GAS7: variants seen among roughly 807,000 people sequenced by gnomAD.
The protein encoded by GAS7 is growth arrest-specific protein 7.
A neutral mutation model predicts 71.1 loss-of-function variants in GAS7; 28 were observed. The observed-to-expected ratio is 0.39, with a 90% CI of 0.29 to 0.54. GAS7 has a LOEUF of 0.54. GAS7 is among the 20% of genes least tolerant of loss of function. The probability of loss-of-function intolerance (pLI) is 0.62; values close to 1 mark genes in which losing one functional copy is unlikely to be tolerated. For synonymous variants in GAS7, 258 were observed against 245.8 expected (o/e 1.05, Z -0.46); for missense variants, 436 against 627.8 (o/e 0.69, Z 3.27).
chr17:10,012,268 TGG>T (rs1258798072), intron 2 of GAS7, among the ~76,000 whole-genome samples: 4 of 152,258 alleles, frequency 2.6e-5, no homozygotes, highest in African/African-American at 9.6e-5. Context: ...CATGCATGCC[TGG>T]CCTTCCAGTT....
In GAS7 at chr17:9,913,811, G is replaced by T. The variant is rs1380132659; in HGVS notation, c.*3417C>A. 3 of 231,574 alleles carry T rather than the reference G, an allele frequency of 1.3e-5. No individual in the cohort carries two copies. Among genetic ancestry groups the T allele is most frequent in the Non-Finnish European group, 2.6e-5 (3 of 117,110 alleles). The allele number at this position is 231,574 out of a possible 1,614,324, so 14.3% of individuals were successfully genotyped here. A position where few individuals can be genotyped will look rare whatever the true frequency, so the allele number is the denominator to read the frequency against. On this transcript the variant is annotated 3_prime_UTR_variant, in exon 14 of 14. Transcript: ENST00000432992. The stretch of plus-strand genomic sequence containing the variant: ...TGGAGGTTGTCACAGCAACCAACTT[G>T]GAACACCATTTGGCTTAAGGAATTT...
intron 5 of GAS7, among the ~76,000 whole-genome samples, chr17:9,954,452 C>T (rs1256689687): frequency 2.2e-5 from 2 of 89,574 alleles, no homozygotes; most frequent in Admixed American, 2.6e-4. Context: ...GCCATCAGGG[C>T]AGTCTGCAGT....
intron 1 of GAS7, among the ~76,000 whole-genome samples, chr17:10,054,946 A>G (rs2152238618): frequency 6.6e-6 from 1 of 152,352 alleles, no homozygotes; most frequent in East Asian, 1.9e-4. Context: ...GTCTCTGGAA[A>G]GAGGAGCAGC....
rs565877831 is a variant in GAS7 at position 9,916,972 on chromosome 17, C to T, written c.*256G>A. ...GTTCCAGCCTCTGTTTGTTTCAGAGCGGCAAGCACAGCATGGGAGTCAGGG... is the reference window on the plus strand; with the variant it reads ...GTTCCAGCCTCTGTTTGTTTCAGAGTGGCAAGCACAGCATGGGAGTCAGGG... On this transcript the variant is annotated 3_prime_UTR_variant, in exon 14 of 14. Coordinates refer to ENST00000432992, the MANE Select transcript of GAS7 (RefSeq NM_201433.2). 12 of 537,686 alleles carry T rather than the reference C, an allele frequency of 2.2e-5. No homozygotes were observed. The highest frequency in any genetic ancestry group is 9.3e-5 in the Admixed American group (3 of 32,360). The allele number at this position is 537,686 out of a possible 1,614,324, so 33.3% of individuals were successfully genotyped here. A position where few individuals can be genotyped will look rare whatever the true frequency, so the allele number is the denominator to read the frequency against.
rs150614175 is a variant in GAS7 at position 10,036,594 on chromosome 17, G to A, written c.184-16697C>T. The A allele has an allele frequency of 2.2e-4, 336 of 1,493,380 alleles. 1 individual carries two copies. The East Asian group carries it at 5.5e-3, about 24-fold the overall frequency. The allele number at this position is 1,493,380 out of a possible 1,614,324, so 92.5% of individuals were successfully genotyped here. A position where few individuals can be genotyped will look rare whatever the true frequency, so the allele number is the denominator to read the frequency against. ...GAGGCAAGTCGCTAGCCCAGGGCCA[G>A]TGTTCTGGGCACCCCAGCGGAGGTT... is the stretch of plus-strand genomic sequence containing the variant. On this transcript the variant is annotated intron_variant, in intron 1 of 13. Coordinates refer to ENST00000432992, the MANE Select transcript of GAS7 (RefSeq NM_201433.2).
chr17:10,036,444 C>T, intron 1 of GAS7: 1 of 1,612,000 alleles, frequency 6.2e-7, no homozygotes, highest in South Asian at 1.1e-5. Flanking sequence ...CATCAGAGAA[C>T]AGCTAACCTT....
chr17:10,039,314 T>A (rs971518922), intron 1 of GAS7, among the ~76,000 whole-genome samples: 1 of 150,676 alleles, frequency 6.6e-6, no homozygotes, highest in Non-Finnish European at 1.5e-5. Flanking sequence ...ATACACCACC[T>A]CAGGCTCTCC....
intron 1 of GAS7, among the ~76,000 whole-genome samples, chr17:10,042,132 T>C (rs2072880038): frequency 6.6e-6 from 1 of 151,874 alleles, no homozygotes; most frequent in African/African-American, 2.4e-5. Flanking sequence ...CTGTCTCTAT[T>C]AAAAATACGA....
chr17:9,937,022 G>C (rs2068424639), intron 8 of GAS7, among the ~76,000 whole-genome samples: 1 of 152,210 alleles, frequency 6.6e-6, no homozygotes, highest in African/African-American at 2.4e-5. Flanking sequence ...AGTCTTCAAG[G>C]AGATAGGGTT....
At chr17:10,121,159 T>A (rs1162867943) in intron 1 of GAS7, among the ~76,000 whole-genome samples, 1 of 152,198 alleles carries the variant, frequency 6.6e-6, no homozygotes, top group Non-Finnish European at 1.5e-5. Context: ...GGAGGGTGGA[T>A]CACCTGAGGT....
At chr17:9,937,627 C>T (rs2068448636) in intron 8 of GAS7, among the ~76,000 whole-genome samples, 1 of 152,248 alleles carries the variant, frequency 6.6e-6, no homozygotes, top group African/African-American at 2.4e-5. Flanking sequence ...GGCCGCCTGG[C>T]TGCACAGCCA....
At position 10,177,260 on chromosome 17, in the gene GAS7, G is replaced by C. The variant is rs147098641; in HGVS notation, c.183+20948C>G. Among the ~76,000 whole-genome samples the C allele has an allele frequency of 1.3e-3, 191 of 152,308 alleles. 1 individual carries two copies. The highest frequency in any genetic ancestry group is 0.01 in the Middle Eastern group (3 of 294). ...TCGACAGGGATGAGAAGGGCCTCTA[G>C]ACAGAAGCTGCAGCCGAGCAAAGGC... On this transcript the variant is annotated intron_variant, in intron 1 of 13. Coordinates refer to ENST00000432992, the MANE Select transcript of GAS7 (RefSeq NM_201433.2).
chr17:10,103,427 G>A lies in GAS7; in HGVS notation c.184-83530C>T, dbSNP rs868573093. On this transcript the variant is annotated intron_variant, in intron 1 of 13. Coordinates refer to ENST00000432992, the MANE Select transcript of GAS7 (RefSeq NM_201433.2). The surrounding 1 kb of genome is among the most constrained non-coding windows in gnomAD (Gnocchi z 5.5). ...AGAAGCACAGCTCATGCCATCTAGC[G>A]ACCCTACTCTAGCTGCCCAGTGAGA... 1.1e-4 allele frequency among the ~76,000 whole-genome samples: 16 copies of A among 152,112 alleles called. No individual in the cohort carries two copies. The highest frequency in any genetic ancestry group is 3.2e-3 in the Middle Eastern group (1 of 316).
intron 1 of GAS7, among the ~76,000 whole-genome samples, chr17:10,073,085 G>A (rs565576299): frequency 2.0e-5 from 3 of 152,164 alleles, no homozygotes; most frequent in Non-Finnish European, 4.4e-5. Flanking sequence ...GCTGGAATGA[G>A]GCAAGGAAAT....
chr17:9,991,227 C>T (rs2070829643), intron 2 of GAS7, among the ~76,000 whole-genome samples: 1 of 152,190 alleles, frequency 6.6e-6, no homozygotes, highest in Non-Finnish European at 1.5e-5. Flanking sequence ...ACAAGGAGCA[C>T]ATCTCCCAAA....
At chr17:10,003,325 T>G (rs1376699002) in intron 2 of GAS7, among the ~76,000 whole-genome samples, 3 of 152,210 alleles carry the variant, frequency 2.0e-5, no homozygotes, top group Non-Finnish European at 2.9e-5. Flanking sequence ...CACAAGTCCA[T>G]GCAGGTGTTC....
At chr17:10,148,543 G>A (rs1210367453) in intron 1 of GAS7, among the ~76,000 whole-genome samples, 5 of 151,394 alleles carry the variant, frequency 3.3e-5, no homozygotes, top group South Asian at 2.1e-4. Context: ...ACTCGAACCC[G>A]GGAGGCGGAG....
intron 3 of GAS7, among the ~76,000 whole-genome samples, chr17:9,975,692 G>A (rs763655456): frequency 1.4e-4 from 21 of 152,122 alleles, no homozygotes; most frequent in Non-Finnish European, 1.9e-4. Context: ...TCAGTGTTAC[G>A]GTCCAAAGAA....
chr17:10,136,458 G>A (rs1446834242), intron 1 of GAS7, among the ~76,000 whole-genome samples: 1 of 152,176 alleles, frequency 6.6e-6, no homozygotes. Flanking sequence ...CCAGACTGGG[G>A]AAGGCAGCGC....
Sources: allele counts gnomAD v4.1 joint callset (sites outside exome capture counted in the v4.1 genomes callset), GRCh38; gene constraint gnomAD v4.1.1; non-coding constraint Gnocchi (gnomAD v3.1); transcripts MANE v1.5; gene names NCBI Gene and HGNC (gene_info 2026-07-23, HGNC 2026-07-21).